CREBBP: variants seen among roughly 807,000 people sequenced by gnomAD.
CREBBP encodes CREB-binding protein.
CREBBP carries 19 observed loss-of-function variants against 265.0 expected under a neutral mutation model. The observed-to-expected ratio is 0.07, with a 90% confidence interval of 0.05 to 0.11. The LOEUF (loss-of-function observed/expected upper bound fraction) is 0.11. CREBBP is among the 10% of genes least tolerant of loss of function. The probability of loss-of-function intolerance (pLI) is 1.00; values close to 1 mark genes in which losing one functional copy is unlikely to be tolerated. For missense variants in CREBBP, 2,525 were observed against 3,219.0 expected, an observed-to-expected ratio of 0.78 and a Z score of 5.22; for synonymous variants, 1,457 against 1,223.7, an observed-to-expected ratio of 1.19 and a Z score of -3.98.
intron 1 of CREBBP, among the ~76,000 whole-genome samples, chr16:3,870,876 G>C (rs577061634): frequency 1.3e-5 from 2 of 152,124 alleles, no homozygotes; most frequent in East Asian, 3.9e-4. Context: ...AGTAGAGCCA[G>C]GCACAGTGGC....
intron 2 of CREBBP, among the ~76,000 whole-genome samples, chr16:3,846,164 G>GA (rs1334138076): frequency 6.6e-6 from 1 of 152,038 alleles, no homozygotes; most frequent in African/African-American, 2.4e-5. Flanking sequence ...AAATTAATGA[G>GA]AAAAAATGAC....
rs773989553 is a variant in CREBBP, at chr16:3,731,964, C to T, written c.4729-27G>A. On this transcript the variant is annotated intron_variant, in intron 28 of 30. Coordinates refer to ENST00000262367, the MANE Select transcript of CREBBP (RefSeq NM_004380.3). The surrounding 1 kb of genome is among the most constrained non-coding windows in gnomAD (Gnocchi z 7.7). ...TGCAACAACACGCAAGGCTGTGAGA[C>T]CAGGCAAGTGCCCCTCCACACTTGG... The T allele has an allele frequency of 3.2e-5, 52 of 1,613,986 alleles. No homozygotes were observed. The highest frequency in any genetic ancestry group is 5.0e-5 in the Admixed American group (3 of 60,006).
intron 2 of CREBBP, among the ~76,000 whole-genome samples, chr16:3,822,166 G>C (rs886163586): frequency 6.6e-6 from 1 of 152,034 alleles, no homozygotes; most frequent in South Asian, 2.1e-4. Context: ...AAAGCCACCC[G>C]ATGTTTTCCC....
intron 2 of CREBBP, among the ~76,000 whole-genome samples, chr16:3,814,766 A>T (rs2141361342): frequency 6.6e-6 from 1 of 152,332 alleles, no homozygotes; most frequent in Admixed American, 6.5e-5. Flanking sequence ...GCTCATAGGG[A>T]TCTACACAAT....
At chr16:3,849,327 G>T (rs1350735007) in intron 2 of CREBBP, among the ~76,000 whole-genome samples, 1 of 151,120 alleles carries the variant, frequency 6.6e-6, no homozygotes, top group African/African-American at 2.4e-5. Context: ...CAGCTGCAAG[G>T]CTGGTGGCTG....
In CREBBP at chr16:3,879,957, G is replaced by A. The variant is rs566920210; in HGVS notation, c.-41C>T. On this transcript the variant is annotated 5_prime_UTR_variant, in exon 1 of 31. Coordinates refer to ENST00000262367, the MANE Select transcript of CREBBP (RefSeq NM_004380.3). The stretch of plus-strand genomic sequence containing the variant: ...AAAACAGCCCCGGGCACGGGCGGCC[G>A]GGCCGGCGAGGGCCCGGACGGGGGT... 19 of 1,573,158 alleles carry A rather than the reference G, an allele frequency of 1.2e-5. No individual in the cohort carries two copies. In the Admixed American group the frequency reaches 2.7e-4, roughly 22 times the overall value.
intron 2 of CREBBP, among the ~76,000 whole-genome samples, chr16:3,824,662 C>A (rs997440910): frequency 6.6e-6 from 1 of 152,148 alleles, no homozygotes; most frequent in Non-Finnish European, 1.5e-5. Context: ...ACGCCTTTGC[C>A]TCACCGAGCC....
chr16:3,769,375 T>A (rs375855542), intron 14 of CREBBP, 22 bp from the exon 15 acceptor site: 1 of 1,614,080 alleles, frequency 6.2e-7, no homozygotes, highest in Non-Finnish European at 8.5e-7. Flanking sequence ...CCGAAAGCAC[T>A]GACTTCAGTA....
intron 28 of CREBBP, among the ~76,000 whole-genome samples, chr16:3,734,478 G>A (rs980016485): frequency 6.6e-6 from 1 of 152,204 alleles, no homozygotes; most frequent in Non-Finnish European, 1.5e-5. Flanking sequence ...CTGCTGCCAT[G>A]CCACAGGCAG....
At chr16:3,745,831 C>A (rs2052329442) in intron 21 of CREBBP, among the ~76,000 whole-genome samples, 1 of 152,206 alleles carries the variant, frequency 6.6e-6, no homozygotes, top group Non-Finnish European at 1.5e-5. Flanking sequence ...TTCAGAGCAG[C>A]CACGCTAGGC....
intron 1 of CREBBP, among the ~76,000 whole-genome samples, chr16:3,852,058 A>G (rs990862857): frequency 2.8e-4 from 39 of 139,714 alleles, no homozygotes; most frequent in Non-Finnish European, 5.2e-4. Flanking sequence ...AAAAAAAAAA[A>G]AAAAAAAAAA....
chr16:3,795,383 CCTT>C (rs1447099918), intron 3 of CREBBP, among the ~76,000 whole-genome samples: 7 of 151,800 alleles, frequency 4.6e-5, no homozygotes, highest in Non-Finnish European at 1.0e-4. Context: ...GGTTTTTTTC[CCTT>C]CTTTTTTCTA....
At chr16:3,785,450 G>GA (rs2141260515) in intron 5 of CREBBP, among the ~76,000 whole-genome samples, 1 of 152,336 alleles carries the variant, frequency 6.6e-6, no homozygotes, top group African/African-American at 2.4e-5. Flanking sequence ...CTGGGACAGG[G>GA]AAAATCAGGC....
intron 14 of CREBBP, 90 bp from the exon 15 acceptor site, chr16:3,769,443 T>C: frequency 1.3e-6 from 2 of 1,498,056 alleles, no homozygotes; most frequent in Non-Finnish European, 1.9e-6. Flanking sequence ...CAATTTCCCA[T>C]TAACATTTCT....
intron 2 of CREBBP, among the ~76,000 whole-genome samples, chr16:3,814,259 G>T (rs1364927537): frequency 2.2e-5 from 3 of 136,744 alleles, no homozygotes; most frequent in East Asian, 2.4e-4. Flanking sequence ...GTGTGTGTGT[G>T]TGTGTGTGTG....
chr16:3,751,775 T>A lies in CREBBP; in HGVS notation c.3730A>T (p.Ile1244Phe). Residue 1244 changes from isoleucine to phenylalanine, a missense_variant, in exon 20 of 31, where the codon ATC (isoleucine) becomes TTC (phenylalanine). Ile to Phe is a conservative substitution (Grantham distance 21). Coordinates refer to ENST00000262367, the MANE Select transcript of CREBBP (RefSeq NM_004380.3). ...CCCAGGGTCACATTCTCGCCCTGGA[T>A]CTCTGTGAAACACTTCTCACAGAAA... Reference protein sequence around the residue: ...YHFCEKCFTEIQGENVTLGDD... With the variant: ...YHFCEKCFTEFQGENVTLGDD... 1 of 1,614,048 alleles carries A rather than the reference T, an allele frequency of 6.2e-7. No individual in the cohort carries two copies. The highest frequency in any genetic ancestry group is 8.5e-7 in the Non-Finnish European group (1 of 1,180,006).
Position 3,731,169 on chromosome 16 carries a change from G to A in CREBBP, c.5172+23C>T, listed in dbSNP as rs754116845. ...GTCAGACCCCAGGCCGGCTGTGGGG[G>A]TGGGGGTGGGGGCAGGGCCTACCTC... On this transcript the variant is annotated intron_variant, in intron 30 of 30. Transcript: ENST00000262367. This position sits in a 1 kb window ranked among gnomAD's most constrained non-coding sequence, Gnocchi z 7.7. 45 of 1,604,314 alleles carry A rather than the reference G, an allele frequency of 2.8e-5. No individual in the cohort carries two copies. The highest frequency in any genetic ancestry group is 3.6e-5 in the Non-Finnish European group (42 of 1,174,244).
intron 3 of CREBBP, among the ~76,000 whole-genome samples, chr16:3,800,673 A>G (rs984325900): frequency 5.9e-5 from 9 of 152,040 alleles, no homozygotes; most frequent in African/African-American, 2.2e-4. Flanking sequence ...GTGCTTGTGA[A>G]TTGCCACTGT....
At chr16:3,734,498 C>T (rs939362785) in intron 28 of CREBBP, among the ~76,000 whole-genome samples, 3 of 152,226 alleles carry the variant, frequency 2.0e-5, no homozygotes, top group African/African-American at 7.2e-5. Context: ...GGTGCCCCCT[C>T]CTGGGGTGGA....
Sources: gnomAD v4.1 joint callset for allele counts (sites outside exome capture counted in the v4.1 genomes callset) on GRCh38, gnomAD v4.1.1 for gene constraint, Gnocchi (gnomAD v3.1) non-coding constraint, MANE v1.5 for transcripts, NCBI Gene and HGNC (gene_info 2026-07-23, HGNC 2026-07-21) for gene names.